Variants in DNAH7 observed in about 807,000 individuals in gnomAD.
The protein encoded by DNAH7 is axonemal beta dynein heavy chain 7.
A neutral mutation model predicts 444.6 loss-of-function variants in DNAH7; 397 were observed. The ratio of observed to expected loss-of-function variants is 0.89; its 90% confidence interval spans 0.82 to 0.97. The LOEUF is 0.97. Among genes scored for constraint, DNAH7 ranks in the 50% least tolerant of loss-of-function variants. The pLI is 0.00. For synonymous variants in DNAH7, 1,636 were observed against 1,624.4 expected (o/e 1.01, Z -0.17); for missense variants, 4,902 against 4,800.8 (o/e 1.02, Z -0.62).
At chr2:196,009,179 C>A (rs1022555487) in intron 10 of DNAH7, among the ~76,000 whole-genome samples, 1 of 152,174 alleles carries the variant, frequency 6.6e-6, no homozygotes, top group Non-Finnish European at 1.5e-5. Flanking sequence ...ACACCTCCAA[C>A]ACTAGGGATT....
At chr2:195,995,571 G>T in intron 12 of DNAH7, 1 of 301,748 alleles carries the variant, frequency 3.3e-6, no homozygotes, top group South Asian at 2.9e-5. Context: ...AAACCAACCT[G>T]GCTCAGCAGG....
intron 40 of DNAH7, among the ~76,000 whole-genome samples, chr2:195,868,089 C>CTTTT (rs58317384): frequency 1.5e-3 from 152 of 101,090 alleles, no homozygotes; most frequent in African/African-American, 2.2e-3. Context: ...TATTATTCAT[C>CTTTT]TTTTTTTTTT....
intron 61 of DNAH7, among the ~76,000 whole-genome samples, chr2:195,767,512 T>C (rs1056390149): frequency 6.6e-6 from 1 of 152,046 alleles, no homozygotes; most frequent in Admixed American, 6.5e-5. Flanking sequence ...TCCTTTTTTT[T>C]GTTCAGTTTT....
chr2:195,802,756 C>A (rs189474498), intron 54 of DNAH7, among the ~76,000 whole-genome samples: 2 of 152,108 alleles, frequency 1.3e-5, no homozygotes, highest in Non-Finnish European at 2.9e-5. Context: ...TTTTTACATG[C>A]ATAGATTGTG....
rs368008760 is a variant in DNAH7 at position 195,756,154 on chromosome 2, A to G, written c.11565T>C (p.Leu3855=). ...KPLGSYVNDF[L]ARLKFLQQWY... ...TTACCTGCAAGAATTTTAGTCTTGC[A>G]AGGAAGTCATTCACATAGCTGCCAA... is the stretch of plus-strand genomic sequence containing the variant. The change falls in exon 62 of 65, where the codon CTT becomes CTC. Residue 3855 remains leucine, a synonymous_variant. Coordinates refer to ENST00000312428, the MANE Select transcript of DNAH7 (RefSeq NM_018897.3). 1.3e-4 allele frequency: 216 copies of G among 1,604,630 alleles called. No homozygotes were observed. The highest frequency in any genetic ancestry group is 1.4e-4 in the Non-Finnish European group (161 of 1,174,244).
At chr2:195,751,302 A>G (rs1693782970) in intron 63 of DNAH7, among the ~76,000 whole-genome samples, 1 of 152,184 alleles carries the variant, frequency 6.6e-6, no homozygotes, top group Admixed American at 6.5e-5. Context: ...CTGCAATAAA[A>G]CTGTTTAAGT....
rs190999745 is a variant in DNAH7 at position 195,983,690 on chromosome 2, A to G, written c.1833+942T>C. Among the ~76,000 whole-genome samples the G allele has an allele frequency of 5.9e-5, 9 of 152,328 alleles. No individual in the cohort carries two copies. The East Asian group carries it at 1.7e-3, about 29-fold the overall frequency. On this transcript the variant is annotated intron_variant, in intron 15 of 64. Coordinates refer to ENST00000312428, the MANE Select transcript of DNAH7 (RefSeq NM_018897.3). ...AAACTATATCAACTTCAAACATAGAAGTAACATGAGAAATGATGAAAGTGA... is the reference window on the plus strand; with the variant it reads ...AAACTATATCAACTTCAAACATAGAGGTAACATGAGAAATGATGAAAGTGA...
intron 19 of DNAH7, among the ~76,000 whole-genome samples, chr2:195,953,423 C>G (rs987031006): frequency 2.0e-5 from 3 of 152,204 alleles, no homozygotes; most frequent in African/African-American, 7.2e-5. Flanking sequence ...CAGGGGCCCA[C>G]CTGAGAAGGC....
rs1691905580 is a variant in DNAH7, at chr2:195,972,388, A to G, written c.1912T>C (p.Phe638Leu). 1 of 1,614,142 alleles carries G rather than the reference A, an allele frequency of 6.2e-7. No homozygotes were observed. The highest frequency in any genetic ancestry group is 1.7e-5 in the Admixed American group (1 of 60,028). The change falls in exon 16 of 65, where the codon TTC (phenylalanine) becomes CTC (leucine). Residue 638 changes from phenylalanine (F) to leucine (L), a missense_variant. Phe to Leu is a conservative substitution (Grantham distance 22). Coordinates refer to ENST00000312428, the MANE Select transcript of DNAH7 (RefSeq NM_018897.3). ...RLVDSKNCLA[F>L]LIEYVNFSPA... Reference sequence around the variant, plus strand: ...GAAAAGTTGACATACTCGATGAGGAAGGCGAGGCAGTTTTTGGAATCCACT... The same window carrying G: ...GAAAAGTTGACATACTCGATGAGGAGGGCGAGGCAGTTTTTGGAATCCACT...
rs750409907 is a variant in DNAH7, at chr2:195,923,644, C to T, written c.3776G>A (p.Ser1259Asn). ...TAACCATTCAAAGTCAGAGTCATCG[C>T]TAATATTTTTTTTTACAAGTGATGA... ...VLSSLVKKNI[S>N]DDSDFEWLSQ... Residue 1259 changes from serine to asparagine, a missense_variant, in exon 23 of 65, where the codon AGC becomes AAC. Physicochemically the swap from Ser to Asn is conservative, Grantham distance 46 (BLOSUM62 1). Coordinates refer to ENST00000312428, the MANE Select transcript of DNAH7 (RefSeq NM_018897.3). The T allele has an allele frequency of 9.9e-6, 16 of 1,614,084 alleles. No homozygotes were observed. The highest frequency in any genetic ancestry group is 3.3e-5 in the South Asian group (3 of 91,084).
chr2:195,834,198 C>T lies in DNAH7; in HGVS notation c.9100+8G>A. The T allele has an allele frequency of 6.3e-7, 1 of 1,599,642 alleles. No homozygotes were observed. Among genetic ancestry groups the T allele is most frequent in the Non-Finnish European group, 8.6e-7 (1 of 1,169,416 alleles). On this transcript the variant is annotated splice_region_variant and intron_variant, in intron 48 of 64. Coordinates refer to ENST00000312428, the MANE Select transcript of DNAH7 (RefSeq NM_018897.3). ...TCTGTAATGTATCTTAGTTATTCAA[C>T]TACATACCAGGAGTACCAAACTGGA...
intron 57 of DNAH7, among the ~76,000 whole-genome samples, chr2:195,792,375 G>A (rs1158005669): frequency 1.7e-5 from 2 of 120,016 alleles, no homozygotes; most frequent in Non-Finnish European, 3.5e-5. Context: ...AAAGTTGAAA[G>A]TACAAAAAAA....
intron 36 of DNAH7, among the ~76,000 whole-genome samples, chr2:195,879,646 A>C (rs1197560631): frequency 6.6e-6 from 1 of 152,134 alleles, no homozygotes; most frequent in Non-Finnish European, 1.5e-5. Flanking sequence ...GTTTACATTT[A>C]ACACTCAAAA....
chr2:196,038,825 A>T (rs1393814658), intron 5 of DNAH7, among the ~76,000 whole-genome samples: 1 of 152,236 alleles, frequency 6.6e-6, no homozygotes, highest in African/African-American at 2.4e-5. Context: ...TCAATTCACC[A>T]AGTAGATCTA....
At chr2:195,900,543 C>T (rs571757182) in intron 27 of DNAH7, 49 bp from the exon 28 acceptor site, 20 of 1,552,436 alleles carry the variant, frequency 1.3e-5, no homozygotes, top group Non-Finnish European at 1.6e-5. Context: ...ATAAAATAAG[C>T]TAGGCATGGA....
At chr2:195,809,438 C>T (rs543521350) in intron 52 of DNAH7, among the ~76,000 whole-genome samples, 66 of 152,270 alleles carry the variant, frequency 4.3e-4, no homozygotes, top group African/African-American at 1.6e-3. Context: ...AACATTTACA[C>T]TACTACCTGG....
Position 195,972,269 on chromosome 2 carries a change from T to A in DNAH7, c.2031A>T (p.Lys677Asn), listed in dbSNP as rs768956210. 1.2e-6 allele frequency: 2 copies of A among 1,613,974 alleles called. No homozygotes were observed. Among genetic ancestry groups the A allele is most frequent in the Middle Eastern group, 1.7e-4 (1 of 6,060 alleles). ...FEEHRKIIKE[K>N]IEQYQEGLKL... ...TCAGACCTTCTTGATATTGTTCTAT[T>A]TTCTCTTTAATGATTTTCCTGTGTT... Residue 677 changes from lysine (K) to asparagine (N), a missense_variant, in exon 16 of 65, where the codon AAA (lysine) becomes AAT (asparagine). By Grantham distance (94) the Lys-to-Asn change is moderately conservative (BLOSUM62 0). Transcript: ENST00000312428.
At chr2:195,814,546 T>A (rs570119065) in intron 51 of DNAH7, among the ~76,000 whole-genome samples, 2 of 152,316 alleles carry the variant, frequency 1.3e-5, no homozygotes, top group Non-Finnish European at 2.9e-5. Context: ...ATGAAAAATG[T>A]CTTTAAATGG....
At position 195,740,798 on chromosome 2, in the gene DNAH7, G is replaced by A; in HGVS notation, c.11836C>T (p.His3946Tyr). Residue 3946 changes from histidine (H) to tyrosine (Y), a missense_variant, in exon 64 of 65, where the codon CAT becomes TAT. His to Tyr is a moderately conservative substitution (Grantham distance 83). Transcript: ENST00000312428. The part of the protein sequence containing the change: ...NRKIKKLAES[H>Y]PKILYDTVPV... ...ACTGTATCATAAAGAATTTTGGGAT[G>A]CGATTCTGCAAGTTTCTTGATCTTT... 6.4e-7 allele frequency: 1 copy of A among 1,554,924 alleles called. No homozygotes were observed. Among genetic ancestry groups the A allele is most frequent in the Non-Finnish European group, 8.7e-7 (1 of 1,149,528 alleles).
Sources: allele counts gnomAD v4.1 joint callset (sites outside exome capture counted in the v4.1 genomes callset), GRCh38; gene constraint gnomAD v4.1.1; transcripts MANE v1.5; gene names NCBI Gene and HGNC (gene_info 2026-07-23, HGNC 2026-07-21).